The following MLPH variants were observed in gnomAD, a reference collection of about 807,000 sequenced individuals.
MLPH encodes exophilin-3.
Under a neutral mutation model 72.1 loss-of-function variants are expected in MLPH, and 51 were observed. The ratio of observed to expected loss-of-function variants is 0.71; its 90% CI spans 0.56 to 0.89. The LOEUF (loss-of-function observed/expected upper bound fraction) is 0.89, where lower values mean the gene tolerates loss of function less well. MLPH is among the 40% of genes least tolerant of loss of function. The pLI is 0.00. For missense variants in MLPH, 743 were observed against 759.9 expected, an observed-to-expected ratio of 0.98 and a Z score of 0.26; for synonymous variants, 301 against 310.1, an observed-to-expected ratio of 0.97 and a Z score of 0.31.
chr2:237,495,250 T>A lies in MLPH; in HGVS notation c.110+1714T>A, dbSNP rs765554148. On this transcript the variant is annotated intron_variant, in intron 2 of 15. Coordinates refer to ENST00000264605, the MANE Select transcript of MLPH (RefSeq NM_024101.7). ...TTACATTTAGGAACTGCCCGTATCA[T>A]CCAGGACCCTCTTCCCATCTCAGGA... 2.6e-5 allele frequency among the ~76,000 whole-genome samples: 4 copies of A among 152,212 alleles called. 1 individual carries two copies. The highest frequency in any genetic ancestry group is 6.3e-3 in the Middle Eastern group (2 of 316).
chr2:237,531,706 A>T (rs2080423410), intron 8 of MLPH, among the ~76,000 whole-genome samples: 1 of 152,202 alleles, frequency 6.6e-6, no homozygotes, highest in South Asian at 2.1e-4. Context: ...GAAAATATAA[A>T]TAAGTATTAG....
In MLPH at chr2:237,542,667, G is replaced by A; in HGVS notation, c.1539+8G>A. Reference sequence around the variant, plus strand: ...AGGAAGTCAAACCTCCCGGTGAGTGGGGGGCAGTGGTGAGTGGAGACAGTG... The same window carrying A: ...AGGAAGTCAAACCTCCCGGTGAGTGAGGGGCAGTGGTGAGTGGAGACAGTG... On this transcript the variant is annotated splice_region_variant and intron_variant, in intron 12 of 15. Coordinates refer to ENST00000264605, the MANE Select transcript of MLPH (RefSeq NM_024101.7). 2 of 1,558,932 alleles carry A rather than the reference G, an allele frequency of 1.3e-6. No individual in the cohort carries two copies. Among genetic ancestry groups the A allele is most frequent in the Non-Finnish European group, 1.7e-6 (2 of 1,151,738 alleles).
intron 12 of MLPH, 77 bp downstream of exon 12, chr2:237,542,736 GGGA>G (rs2080727326): frequency 3.2e-6 from 3 of 933,602 alleles, no homozygotes; most frequent in Admixed American, 2.3e-5. Flanking sequence ...TGGTGAGTGG[GGGA>G]CAGTGGTGAG....
At chr2:237,493,255 T>C (rs2079463821) in intron 1 of MLPH, 148 bp from the exon 2 acceptor site, 1 of 621,544 alleles carries the variant, frequency 1.6e-6, no homozygotes, top group African/African-American at 1.8e-5. Flanking sequence ...TACACAAGTT[T>C]CCAGACAAGC....
At chr2:237,549,302 C>A in intron 14 of MLPH, 24 bp downstream of exon 14, 1 of 1,606,870 alleles carries the variant, frequency 6.2e-7, no homozygotes, top group South Asian at 1.1e-5. Flanking sequence ...GCTCCCCCAC[C>A]CCCATGGGCC....
At position 237,498,606 on chromosome 2, in the gene MLPH, G is replaced by T. The variant is rs116154567; in HGVS notation, c.110+5070G>T. Among the ~76,000 whole-genome samples the T allele has an allele frequency of 3.9e-3, 592 of 152,324 alleles. 5 individuals carry two copies. The highest frequency in any genetic ancestry group is 0.013 in the African/African-American group (546 of 41,574). Reference sequence around the variant, plus strand: ...GCTGTGGACATTCGGTGACGCACACGCCTGACAAGGCTCTCCTTGCTGGCC... The same window carrying T: ...GCTGTGGACATTCGGTGACGCACACTCCTGACAAGGCTCTCCTTGCTGGCC... On this transcript the variant is annotated intron_variant, in intron 2 of 15. Coordinates refer to ENST00000264605, the MANE Select transcript of MLPH (RefSeq NM_024101.7).
chr2:237,509,601 C>A (rs1311743567), intron 2 of MLPH, among the ~76,000 whole-genome samples: 3 of 152,192 alleles, frequency 2.0e-5, no homozygotes, highest in Admixed American at 2.0e-4. Context: ...ATGGCGGTAT[C>A]CCCCTAGATT....
intron 8 of MLPH, among the ~76,000 whole-genome samples, chr2:237,530,168 C>T (rs1370064578): frequency 2.0e-5 from 3 of 152,220 alleles, no homozygotes; most frequent in Non-Finnish European, 2.9e-5. Context: ...AAGGCCTTGG[C>T]CTACACTGTG....
At chr2:237,490,928 G>A (rs1323733758) in intron 1 of MLPH, among the ~76,000 whole-genome samples, 1 of 152,232 alleles carries the variant, frequency 6.6e-6, no homozygotes, top group African/African-American at 2.4e-5. Context: ...ATGTTTGAGA[G>A]TGGAAATGTT....
rs552600068 is a variant in MLPH at position 237,495,841 on chromosome 2, G to A, written c.110+2305G>A. Reference sequence around the variant, plus strand: ...TTCTCAAAGCCTGAGCAGAGGCTGCGGACCAGCATGCAGCTGACCGCAGGG... The same window carrying A: ...TTCTCAAAGCCTGAGCAGAGGCTGCAGACCAGCATGCAGCTGACCGCAGGG... On this transcript the variant is annotated intron_variant, in intron 2 of 15. Coordinates refer to ENST00000264605, the MANE Select transcript of MLPH (RefSeq NM_024101.7). Among the ~76,000 whole-genome samples the A allele has an allele frequency of 1.7e-4, 26 of 152,276 alleles. No homozygotes were observed. In the East Asian group the frequency reaches 3.5e-3, roughly 20 times the overall value.
In MLPH at chr2:237,554,148, T is replaced by G. The variant is rs888964353; in HGVS notation, c.*556T>G. On this transcript the variant is annotated 3_prime_UTR_variant, in exon 16 of 16. Coordinates refer to ENST00000264605, the MANE Select transcript of MLPH (RefSeq NM_024101.7). ...GGAATAGACACCCCAGTCCCCACCC[T>G]ACGTGCACCCGCTCTGCAAGTTCCC... 1 of 244,664 alleles carries G rather than the reference T, an allele frequency of 4.1e-6. No homozygotes were observed. Among genetic ancestry groups the G allele is most frequent in the East Asian group, 9.3e-5 (1 of 10,748 alleles). 15.2% of individuals were successfully genotyped at this position (244,664 alleles called of 1,614,324 possible).
chr2:237,520,487 C>T (rs894506601), intron 6 of MLPH, among the ~76,000 whole-genome samples: 2 of 152,186 alleles, frequency 1.3e-5, no homozygotes, highest in Non-Finnish European at 2.9e-5. Flanking sequence ...ATGCTGGCAG[C>T]TATTAATGAT....
At chr2:237,546,570 T>C in intron 12 of MLPH, 36 bp from the exon 13 acceptor site, 1 of 1,591,060 alleles carries the variant, frequency 6.3e-7, no homozygotes, top group Non-Finnish European at 8.6e-7. Context: ...TGGCTGGAGG[T>C]TCAACAATAA....
At chr2:237,527,589 C>T in intron 8 of MLPH, 73 bp downstream of exon 8, 2 of 1,588,840 alleles carry the variant, frequency 1.3e-6, no homozygotes, top group Admixed American at 1.7e-5. Flanking sequence ...CACCAAGTCA[C>T]TTTAGAGAAA....
At chr2:237,508,713 C>G (rs1249832815) in intron 2 of MLPH, among the ~76,000 whole-genome samples, 3 of 152,160 alleles carry the variant, frequency 2.0e-5, no homozygotes, top group Non-Finnish European at 2.9e-5. Flanking sequence ...GCCCATTTCC[C>G]CCTCCATTGT....
intron 6 of MLPH, among the ~76,000 whole-genome samples, chr2:237,523,619 A>C (rs1191340116): frequency 3.3e-5 from 5 of 152,220 alleles, no homozygotes; most frequent in Admixed American, 1.3e-4. Context: ...GATAACAGGA[A>C]GATGGGCGCA....
At position 237,533,612 on chromosome 2, in the gene MLPH, G is replaced by A. The variant is rs146512734; in HGVS notation, c.1021-952G>A. Among the ~76,000 whole-genome samples, 613 of 152,244 alleles carry A rather than the reference G, an allele frequency of 4.0e-3. 14 individuals carry two copies. In the East Asian group the frequency reaches 0.047, roughly 12 times the overall value. On this transcript the variant is annotated intron_variant, in intron 8 of 15. Coordinates refer to ENST00000264605, the MANE Select transcript of MLPH (RefSeq NM_024101.7). ...TCGCCATGTTGGCCAGGCTGGTCTC[G>A]AACTCCTGACCTCAGGTGATCTGCC... is the stretch of plus-strand genomic sequence containing the variant.
chr2:237,540,163 C>T (rs970313563), intron 9 of MLPH, among the ~76,000 whole-genome samples, 185 bp from the exon 10 acceptor site: 35 of 152,354 alleles, frequency 2.3e-4, no homozygotes, highest in African/African-American at 8.4e-4. Context: ...GCAGAACCTG[C>T]TCCTGGAGTC....
intron 4 of MLPH, 133 bp downstream of exon 4, chr2:237,511,234 A>C: frequency 1.4e-6 from 1 of 725,434 alleles, no homozygotes; most frequent in Non-Finnish European, 2.4e-6. Flanking sequence ...GTGTGCATGC[A>C]CATGCCTCTC....
Sources: allele counts gnomAD v4.1 joint callset (sites outside exome capture counted in the v4.1 genomes callset), GRCh38; gene constraint gnomAD v4.1.1; transcripts MANE v1.5; gene names NCBI Gene and HGNC (gene_info 2026-07-23, HGNC 2026-07-21).